Variants in BCAR3 observed in about 807,000 individuals in gnomAD.
The protein encoded by BCAR3 is breast cancer anti-estrogen resistance protein 3.
BCAR3 carries 37 observed loss-of-function variants against 80.1 expected under a neutral mutation model. That is an observed-to-expected ratio of 0.46 (90% CI 0.36 to 0.61). BCAR3 has a LOEUF of 0.61. Ranked by LOEUF, BCAR3 falls within the 20% of genes least tolerant of loss-of-function variation. The pLI is 0.00. For missense variants in BCAR3, 978 were observed against 1,068.2 expected (o/e 0.92, Z 1.18); for synonymous variants, 389 against 418.9 (o/e 0.93, Z 0.87).
At chr1:93,835,629 T>C (rs1398490253) in intron 2 of BCAR3, among the ~76,000 whole-genome samples, 3 of 152,206 alleles carry the variant, frequency 2.0e-5, no homozygotes, top group Non-Finnish European at 4.4e-5. Flanking sequence ...TTCCTTTCCA[T>C]CGTGGAAATC....
intron 2 of BCAR3, among the ~76,000 whole-genome samples, chr1:93,831,382 G>A (rs1010312655): frequency 2.0e-5 from 3 of 151,926 alleles, no homozygotes; most frequent in African/African-American, 7.3e-5. Context: ...AAACTTAAAC[G>A]CCTTATATTC....
intron 3 of BCAR3, among the ~76,000 whole-genome samples, chr1:93,637,901 A>G (rs2101905002): frequency 6.6e-6 from 1 of 152,246 alleles, no homozygotes; most frequent in South Asian, 2.1e-4. Context: ...TATCGTGGGG[A>G]CAATGGAACC....
At chr1:93,776,853 C>T (rs1011459853) in intron 2 of BCAR3, among the ~76,000 whole-genome samples, 1 of 152,176 alleles carries the variant, frequency 6.6e-6, no homozygotes, top group Admixed American at 6.5e-5. Context: ...ATGATTATTA[C>T]GGGTTGAACT....
rs999035397 is a variant in BCAR3, at chr1:93,586,520, T to C, written c.930-2399A>G. Among the ~76,000 whole-genome samples the C allele has an allele frequency of 6.6e-6, 1 of 152,182 alleles. No homozygotes were observed. Among genetic ancestry groups the C allele is most frequent in the Non-Finnish European group, 1.5e-5 (1 of 68,044 alleles). On this transcript the variant is annotated intron_variant, in intron 5 of 11. Coordinates refer to ENST00000260502, the MANE Select transcript of BCAR3 (RefSeq NM_003567.4). This position sits in a 1 kb window ranked among gnomAD's most constrained non-coding sequence, Gnocchi z 4.2. ...GTGCTGCAACAAACATTGGTGCAGGTATCTCTTTGATATACTGATTTCCAC... is the reference window on the plus strand; with the variant it reads ...GTGCTGCAACAAACATTGGTGCAGGCATCTCTTTGATATACTGATTTCCAC...
At chr1:93,846,837 G>A in intron 1 of BCAR3, 1 of 473,676 alleles carries the variant, frequency 2.1e-6, no homozygotes, top group Non-Finnish European at 4.3e-6. Flanking sequence ...CGCGGGGCGC[G>A]TCGCCCCCCT....
chr1:93,605,506 T>C (rs574612277), intron 3 of BCAR3: 1 of 152,330 alleles, frequency 6.6e-6, no homozygotes, highest in African/African-American at 2.4e-5. Context: ...CTTAACATCT[T>C]TAAAGAATGA....
intron 2 of BCAR3, among the ~76,000 whole-genome samples, chr1:93,830,536 C>A (rs1410351477): frequency 1.3e-5 from 2 of 152,134 alleles, no homozygotes; most frequent in African/African-American, 4.8e-5. Context: ...CCCCACTGAG[C>A]ATCTTCTGAT....
At chr1:93,831,482 T>G (rs1654562335) in intron 2 of BCAR3, among the ~76,000 whole-genome samples, 1 of 152,160 alleles carries the variant, frequency 6.6e-6, no homozygotes, top group Admixed American at 6.5e-5. Flanking sequence ...TCCTACAAGA[T>G]CTAGATAATT....
chr1:93,562,405 C>T lies in BCAR3; in HGVS notation c.2314G>A (p.Glu772Lys), dbSNP rs759562164. The change falls in exon 12 of 12, where the codon GAA becomes AAA. Residue 772 changes from glutamate to lysine, a missense_variant. Glu to Lys is a moderately conservative substitution (Grantham distance 56). Transcript: ENST00000260502. ...GTCTTGCAGATTTCATTCATTTCTT[C>T]ATCTGGTTGAAAACCTAATGAAACA... ...ERILAGFQPD[E>K]EMNEICKTEF... 1 of 1,613,720 alleles carries T rather than the reference C, an allele frequency of 6.2e-7. No individual in the cohort carries two copies. Among genetic ancestry groups the T allele is most frequent in the South Asian group, 1.1e-5 (1 of 90,974 alleles).
intron 2 of BCAR3, chr1:93,845,502 A>ATATATATATGTTGTCAAG: frequency 2.0e-4 from 23 of 113,800 alleles, no homozygotes; most frequent in South Asian, 2.6e-4. Flanking sequence ...ATATATATAT[A>ATATATATATGTTGTCAAG]AAACTTTGTT....
At chr1:93,682,787 A>T (rs2101957796), upstream of BCAR3, among the ~76,000 whole-genome samples, 1 of 152,308 alleles carries the variant, frequency 6.6e-6, no homozygotes, top group African/African-American at 2.4e-5. Flanking sequence ...TCCTGACCTC[A>T]GGTGATCCAC....
At chr1:93,701,655 T>C (rs1276111687) in intron 3 of BCAR3, among the ~76,000 whole-genome samples, 1 of 152,224 alleles carries the variant, frequency 6.6e-6, no homozygotes, top group Non-Finnish European at 1.5e-5. Flanking sequence ...GCCTGTTTTA[T>C]GTGGTGGCCC....
At chr1:93,846,747 G>C (rs1332666521) in intron 1 of BCAR3, 1 of 401,394 alleles carries the variant, frequency 2.5e-6, no homozygotes, top group Non-Finnish European at 5.0e-6. Flanking sequence ...CGGGCCCCGG[G>C]CGCGCGGGCT....
intron 2 of BCAR3, among the ~76,000 whole-genome samples, chr1:93,833,530 A>C (rs1188053658): frequency 6.6e-6 from 1 of 152,178 alleles, no homozygotes; most frequent in Non-Finnish European, 1.5e-5. Flanking sequence ...ACAACTGCAT[A>C]AGACAGACAC....
chr1:93,669,944 G>C (rs1648127442), intron 2 of BCAR3, among the ~76,000 whole-genome samples: 1 of 152,162 alleles, frequency 6.6e-6, no homozygotes, highest in Admixed American at 6.5e-5. Flanking sequence ...AGGGAAGAGT[G>C]GGAGGGGAGC....
At chr1:93,672,331 C>T (rs1451050076) in intron 2 of BCAR3, among the ~76,000 whole-genome samples, 1 of 152,038 alleles carries the variant, frequency 6.6e-6, no homozygotes, top group Non-Finnish European at 1.5e-5. Context: ...TCCCCACCCA[C>T]CCCCCTAGTG....
At chr1:93,679,665 A>G (rs1455383775) in intron 1 of BCAR3, among the ~76,000 whole-genome samples, 1 of 152,220 alleles carries the variant, frequency 6.6e-6, no homozygotes, top group African/African-American at 2.4e-5. Context: ...CAGGAACAAG[A>G]GCGAGGCTGA....
intron 2 of BCAR3, among the ~76,000 whole-genome samples, chr1:93,750,806 G>T (rs937720531): frequency 6.6e-6 from 1 of 152,164 alleles, no homozygotes; most frequent in Non-Finnish European, 1.5e-5. Flanking sequence ...GAGCTTTGAG[G>T]TGATTCCAGG....
At chr1:93,740,561 C>T (rs1651141364) in intron 2 of BCAR3, among the ~76,000 whole-genome samples, 1 of 152,188 alleles carries the variant, frequency 6.6e-6, no homozygotes, top group East Asian at 1.9e-4. Flanking sequence ...TTGTTGTCCA[C>T]TCTGCTCACT....
Sources: allele counts gnomAD v4.1 joint callset (sites outside exome capture counted in the v4.1 genomes callset), GRCh38; gene constraint gnomAD v4.1.1; non-coding constraint Gnocchi (gnomAD v3.1); transcripts MANE v1.5; gene names NCBI Gene and HGNC (gene_info 2026-07-23, HGNC 2026-07-21).